RGS3: variants seen among roughly 807,000 people sequenced by gnomAD.
The protein encoded by RGS3 is regulator of G-protein signalling 3.
RGS3 carries 80 observed loss-of-function variants against 132.6 expected under a neutral mutation model. The observed-to-expected ratio is 0.60, with a 90% confidence interval of 0.50 to 0.73. The LOEUF is 0.73. RGS3 is among the 30% of genes least tolerant of loss of function. The pLI is 0.00. For missense variants in RGS3, 1,382 were observed against 1,530.8 expected (o/e 0.90, Z 1.62); for synonymous variants, 598 against 620.6 (o/e 0.96, Z 0.54).
intron 19 of RGS3, among the ~76,000 whole-genome samples, chr9:113,574,785 CG>C (rs1834437757): frequency 6.6e-6 from 1 of 152,148 alleles, no homozygotes; most frequent in East Asian, 1.9e-4. Flanking sequence ...AGCAGGGTGC[CG>C]GGTGGGAAGG....
At chr9:113,471,285 C>T (rs575722107) in intron 3 of RGS3, among the ~76,000 whole-genome samples, 3 of 152,156 alleles carry the variant, frequency 2.0e-5, no homozygotes, top group South Asian at 2.1e-4. Flanking sequence ...TCCTATTCCT[C>T]TAGCCCTGAG....
rs754039576 is a variant in RGS3 at position 113,463,757 on chromosome 9, C to G, written c.415+1556C>G. The G allele has an allele frequency of 3.3e-5, 51 of 1,563,716 alleles. No homozygotes were observed. Among genetic ancestry groups the G allele is most frequent in the Non-Finnish European group, 1.8e-5 (21 of 1,156,708 alleles). On this transcript the variant is annotated intron_variant, in intron 3 of 24. Transcript: ENST00000350696. This position sits in a 1 kb window ranked among gnomAD's most constrained non-coding sequence, Gnocchi z 4.6. ...CTCCGGTTACTGGGGAGCAACACAG[C>G]CGCCTCGGGTTGCAGACGCTCCTGT...
At chr9:113,496,048 G>A (rs1204138434) in intron 8 of RGS3, among the ~76,000 whole-genome samples, 1 of 152,184 alleles carries the variant, frequency 6.6e-6, no homozygotes, top group Non-Finnish European at 1.5e-5. Flanking sequence ...TTCTTGGTTT[G>A]TCTTGCCAGA....
In RGS3 at chr9:113,506,365, A is replaced by G. The variant is rs1831133889; in HGVS notation, c.980-23A>G. 1.1e-5 allele frequency: 17 copies of G among 1,548,114 alleles called. No individual in the cohort carries two copies. The highest frequency in any genetic ancestry group is 1.5e-5 in the Non-Finnish European group (17 of 1,138,328). On this transcript the variant is annotated intron_variant, in intron 11 of 24. Coordinates refer to ENST00000350696, the Ensembl canonical transcript of RGS3. This position sits in a 1 kb window ranked among gnomAD's most constrained non-coding sequence, Gnocchi z 4.7. ...GGTCTTAGGCTTCAGGGGCCCCTGA[A>G]TGGCTTTTCTTTGTCCCTGCAGGGG...
At chr9:113,468,153 G>A (rs958316652) in intron 3 of RGS3, among the ~76,000 whole-genome samples, 3 of 152,208 alleles carry the variant, frequency 2.0e-5, no homozygotes, top group African/African-American at 7.2e-5. Flanking sequence ...AGATTTACCT[G>A]TATGTTTTCT....
intron 20 of RGS3, among the ~76,000 whole-genome samples, chr9:113,590,838 A>G (rs912886706): frequency 6.6e-6 from 1 of 152,204 alleles, no homozygotes; most frequent in African/African-American, 2.4e-5. Flanking sequence ...ATGGAAAGCT[A>G]TAAGGCAAGA....
At chr9:113,520,301 G>T (rs1267252606) in intron 16 of RGS3, among the ~76,000 whole-genome samples, 2 of 152,222 alleles carry the variant, frequency 1.3e-5, no homozygotes, top group South Asian at 2.1e-4. Context: ...TGCCCTCCCC[G>T]GCACGCTTGC....
chr9:113,584,767 G>A (rs1183936300), intron 20 of RGS3, among the ~76,000 whole-genome samples: 1 of 152,222 alleles, frequency 6.6e-6, no homozygotes, highest in Non-Finnish European at 1.5e-5. Context: ...TTACAGCCTA[G>A]CCAGACTAGA....
At chr9:113,464,514 G>A in intron 3 of RGS3, among the ~76,000 whole-genome samples, 1 of 152,200 alleles carries the variant, frequency 6.6e-6, no homozygotes, top group East Asian at 1.9e-4. Flanking sequence ...GGCGGCAGCT[G>A]CCCAAAGGTC....
chr9:113,471,256 G>A (rs930561544), intron 3 of RGS3, among the ~76,000 whole-genome samples: 1 of 151,960 alleles, frequency 6.6e-6, no homozygotes, highest in Admixed American at 6.6e-5. Flanking sequence ...CTGCTTCTTG[G>A]TGGGCCCTGG....
At chr9:113,572,443 C>T (rs559986057) in intron 19 of RGS3, among the ~76,000 whole-genome samples, 2 of 152,096 alleles carry the variant, frequency 1.3e-5, no homozygotes, top group East Asian at 1.9e-4. Context: ...GGGTGACCTT[C>T]GGCCACAGGG....
At chr9:113,544,846 A>G (rs1413279767) in intron 19 of RGS3, among the ~76,000 whole-genome samples, 1 of 152,244 alleles carries the variant, frequency 6.6e-6, no homozygotes, top group Non-Finnish European at 1.5e-5. Context: ...TAGGGATAGA[A>G]GTAAGAGAAA....
At position 113,547,588 on chromosome 9, in the gene RGS3, G is replaced by A. The variant is rs143479783; in HGVS notation, c.2037+10670G>A. ...GTAACTGTGGTGTTTTCCATTAAAAGCAATGTCAAGAACCGCAATTACTTT... is the reference window on the plus strand; with the variant it reads ...GTAACTGTGGTGTTTTCCATTAAAAACAATGTCAAGAACCGCAATTACTTT... On this transcript the variant is annotated intron_variant, in intron 19 of 24. Transcript: ENST00000350696. 4.0e-3 allele frequency among the ~76,000 whole-genome samples: 607 copies of A among 152,308 alleles called. 4 individuals are homozygous for A. The highest frequency in any genetic ancestry group is 0.013 in the African/African-American group (558 of 41,572).
At chr9:113,448,670 C>T (rs1246803643) in intron 1 of RGS3, among the ~76,000 whole-genome samples, 1 of 152,196 alleles carries the variant, frequency 6.6e-6, no homozygotes, top group Non-Finnish European at 1.5e-5. Context: ...TCTCTGTCTT[C>T]ACTATATAAA....
rs1832730815 is a variant in RGS3, at chr9:113,537,532, G to T, written c.2037+614G>T. ...GATGGGATAGGAGCTGGACCACACA[G>T]CCTTCCCCTTTGACACTCCGATGCC... On this transcript the variant is annotated intron_variant, in intron 19 of 24. Coordinates refer to ENST00000350696, the Ensembl canonical transcript of RGS3. The surrounding 1 kb of genome is among the most constrained non-coding windows in gnomAD (Gnocchi z 4.3). Among the ~76,000 whole-genome samples, 1 of 152,156 alleles carries T rather than the reference G, an allele frequency of 6.6e-6. No individual in the cohort carries two copies. Among genetic ancestry groups the T allele is most frequent in the African/African-American group, 2.4e-5 (1 of 41,438 alleles).
intron 19 of RGS3, among the ~76,000 whole-genome samples, chr9:113,553,459 A>AAAAAAAAAAAAAT (rs1426114805): frequency 6.1e-4 from 36 of 58,688 alleles, no homozygotes; most frequent in Non-Finnish European, 7.9e-4. Flanking sequence ...AAAAAAAAAA[A>AAAAAAAAAAAAAT]ATATATATAT....
At chr9:113,481,532 C>T (rs1830158415) in intron 4 of RGS3, among the ~76,000 whole-genome samples, 1 of 152,244 alleles carries the variant, frequency 6.6e-6, no homozygotes, top group African/African-American at 2.4e-5. Context: ...GAGGGGTGTT[C>T]TCTGCCTGCC....
rs1831175396 is a variant in RGS3, at chr9:113,507,341, G to C, written c.1140G>C (p.Lys380Asn). 1 of 1,613,842 alleles carries C rather than the reference G, an allele frequency of 6.2e-7. No homozygotes were observed. The highest frequency in any genetic ancestry group is 1.3e-5 in the African/African-American group (1 of 74,936). Residue 380 changes from lysine (K) to asparagine (N), a missense_variant, in exon 13 of 25, where the codon AAG (lysine) becomes AAC (asparagine). Physicochemically the swap from Lys to Asn is moderately conservative, Grantham distance 94 (BLOSUM62 0). Transcript: ENST00000350696. This position sits in a 1 kb window ranked among gnomAD's most constrained non-coding sequence, Gnocchi z 5.0. ...TGTGGCGCATGGTCCCCCAGGTCAA[G>C]CCAGGACCAGATGGCGGGGTCCTGC...
rs1209025545 is a variant in RGS3 at position 113,591,798 on chromosome 9, G to C, written c.3080+401G>C. The C allele has an allele frequency of 5.3e-6, 1 of 190,434 alleles. No individual in the cohort carries two copies. The highest frequency in any genetic ancestry group is 1.1e-5 in the Non-Finnish European group (1 of 88,438). 11.8% of individuals were successfully genotyped at this position (190,434 alleles called of 1,614,324 possible). A position where few individuals can be genotyped will look rare whatever the true frequency, so the allele number is the denominator to read the frequency against. Reference sequence around the variant, plus strand: ...CATTGGCTCCTCTTTCTCTTCCTGAGCTCCTGAATGCTAATAGTCTCAGGC... The same window carrying C: ...CATTGGCTCCTCTTTCTCTTCCTGACCTCCTGAATGCTAATAGTCTCAGGC... On this transcript the variant is annotated intron_variant, in intron 21 of 24. Coordinates refer to ENST00000350696, the Ensembl canonical transcript of RGS3. This position sits in a 1 kb window ranked among gnomAD's most constrained non-coding sequence, Gnocchi z 4.4.
Sources: allele counts gnomAD v4.1 joint callset (sites outside exome capture counted in the v4.1 genomes callset), GRCh38; gene constraint gnomAD v4.1.1; non-coding constraint Gnocchi (gnomAD v3.1); transcripts MANE v1.5; gene names NCBI Gene and HGNC (gene_info 2026-07-23, HGNC 2026-07-21).